Variants in TNKS1BP1 observed in about 807,000 individuals in gnomAD.
TNKS1BP1 encodes the protein CCR4-NOT transcription complex subunit 12.
A neutral mutation model predicts 141.1 loss-of-function variants in TNKS1BP1; 48 were observed. That is an observed-to-expected ratio of 0.34 (90% CI 0.27 to 0.43). TNKS1BP1 has a LOEUF of 0.43. TNKS1BP1 is among the 20% of genes least tolerant of loss of function. The pLI is 1.00. For synonymous variants in TNKS1BP1, 875 were observed against 898.2 expected, an observed-to-expected ratio of 0.97 and a Z score of 0.46; for missense variants, 2,149 against 2,226.0, an observed-to-expected ratio of 0.97 and a Z score of 0.70.
chr11:57,323,754 ATAAAAT>A (rs551823487), intron 1 of TNKS1BP1, among the ~76,000 whole-genome samples: 1 of 152,308 alleles, frequency 6.6e-6, no homozygotes, highest in South Asian at 2.1e-4. Context: ...GATAGAAAAA[ATAAAAT>A]TAAAACACAA....
chr11:57,302,123 G>A lies in TNKS1BP1; in HGVS notation c.4785C>T (p.Gly1595=), dbSNP rs1237838439. Residue 1595 remains glycine, a synonymous_variant, in exon 8 of 12, where the codon GGC becomes GGT. Coordinates refer to ENST00000358252, the MANE Select transcript of TNKS1BP1 (RefSeq NM_033396.3). This position sits in a 1 kb window ranked among gnomAD's most constrained non-coding sequence, Gnocchi z 5.5. The part of the protein sequence containing the change: ...APVIRPGGTL[G]LSEAADSDAH... Reference sequence around the variant, plus strand: ...CATCCGAGTCTGCTGCCTCCGACAGGCCCAAGGTACCCCCAGGCCGAATGA... The same window carrying A: ...CATCCGAGTCTGCTGCCTCCGACAGACCCAAGGTACCCCCAGGCCGAATGA... 1.2e-6 allele frequency: 2 copies of A among 1,613,694 alleles called. No individual in the cohort carries two copies. Among genetic ancestry groups the A allele is most frequent in the Non-Finnish European group, 1.7e-6 (2 of 1,179,986 alleles).
chr11:57,300,881 T>C lies in TNKS1BP1; in HGVS notation c.5129+3A>G. Reference sequence around the variant, plus strand: ...GCGGATGCCCAGAGCTTAGGTCACCTACCCTGAGGATTTCTCTGGCTTGGG... The same window carrying C: ...GCGGATGCCCAGAGCTTAGGTCACCCACCCTGAGGATTTCTCTGGCTTGGG... On this transcript the variant is annotated splice_donor_region_variant and intron_variant, in intron 10 of 11. Transcript: ENST00000358252. 17 of 1,613,096 alleles carry C rather than the reference T, an allele frequency of 1.1e-5. No homozygotes were observed. Among genetic ancestry groups the C allele is most frequent in the Non-Finnish European group, 1.4e-5 (17 of 1,179,348 alleles).
intron 6 of TNKS1BP1, among the ~76,000 whole-genome samples, chr11:57,305,789 G>A (rs11604373): frequency 0.34 from 51,169 of 151,974 alleles, 9,330 homozygotes; most frequent in African/African-American, 0.48. Context: ...AGTACTGGGA[G>A]TAAGTTACTC....
chr11:57,323,207 C>T (rs890756080), intron 1 of TNKS1BP1, among the ~76,000 whole-genome samples: 2 of 152,116 alleles, frequency 1.3e-5, no homozygotes, highest in African/African-American at 2.4e-5. Flanking sequence ...TAACCACCTC[C>T]TCCTCTTCCC....
rs773816047 is a variant in TNKS1BP1, at chr11:57,310,378, T to C, written c.2333A>G (p.Tyr778Cys). The change falls in exon 6 of 12, where the codon TAT becomes TGT. Residue 778 changes from tyrosine (Y) to cysteine (C), a missense_variant. Coordinates refer to ENST00000358252, the MANE Select transcript of TNKS1BP1 (RefSeq NM_033396.3). ...GCTCCCTTCCCCTGCTCCTTGCCCATACTTGCTGGTCCAGTCCCTCTCTCC... is the reference window on the plus strand; with the variant it reads ...GCTCCCTTCCCCTGCTCCTTGCCCACACTTGCTGGTCCAGTCCCTCTCTCC... ...GLGERDWTSK[Y>C]GQGAGEGSTR... is the part of the protein sequence containing the mutation. 6.2e-7 allele frequency: 1 copy of C among 1,614,068 alleles called. No individual in the cohort carries two copies. The highest frequency in any genetic ancestry group is 8.5e-7 in the Non-Finnish European group (1 of 1,180,028).
At chr11:57,323,075 TTACATGAAATAG>T (rs1855912179) in intron 1 of TNKS1BP1, among the ~76,000 whole-genome samples, 1 of 152,184 alleles carries the variant, frequency 6.6e-6, no homozygotes, top group African/African-American at 2.4e-5. Flanking sequence ...CTGAGGGGGC[TTACATGAAATAG>T]TACATGAAAT....
chr11:57,312,027 T>G (rs1181352907), intron 5 of TNKS1BP1, among the ~76,000 whole-genome samples: 3 of 152,150 alleles, frequency 2.0e-5, no homozygotes, highest in Non-Finnish European at 1.5e-5. Context: ...TTTACAGATG[T>G]GGAAACTGAG....
At chr11:57,312,493 T>C in intron 5 of TNKS1BP1, 41 bp downstream of exon 5, 1 of 1,419,346 alleles carries the variant, frequency 7.0e-7, no homozygotes, top group Non-Finnish European at 9.2e-7. Context: ...AGCCCTGGCC[T>C]CTGTCCCCAG....
chr11:57,313,968 C>A (rs1053306156), intron 4 of TNKS1BP1, 79 bp from the exon 5 acceptor site: 1 of 1,350,264 alleles, frequency 7.4e-7, no homozygotes, highest in Non-Finnish European at 9.5e-7. Flanking sequence ...CCCACACAGA[C>A]CCCAGGTCAG....
In TNKS1BP1 at chr11:57,302,400, T is replaced by C. The variant is rs1409048749; in HGVS notation, c.4683+59A>G. ...GGACTGCTCAGGGAAGCTCCAGGAA[T>C]GGGGCTCTCGCTGCATCGCCCTCAC... On this transcript the variant is annotated intron_variant, in intron 7 of 11. Coordinates refer to ENST00000358252, the MANE Select transcript of TNKS1BP1 (RefSeq NM_033396.3). This position sits in a 1 kb window ranked among gnomAD's most constrained non-coding sequence, Gnocchi z 5.5. 1 of 1,546,936 alleles carries C rather than the reference T, an allele frequency of 6.5e-7. No individual in the cohort carries two copies. The highest frequency in any genetic ancestry group is 1.4e-5 in the African/African-American group (1 of 73,838).
chr11:57,313,630 C>T lies in TNKS1BP1; in HGVS notation c.1058G>A (p.Ser353Asn). 2 of 1,589,936 alleles carry T rather than the reference C, an allele frequency of 1.3e-6. No individual in the cohort carries two copies. Among genetic ancestry groups the T allele is most frequent in the African/African-American group, 1.3e-5 (1 of 74,612 alleles). ...LPDEGSRHTP[S>N]PGLPAEGAPE... Reference sequence around the variant, plus strand: ...AGCCCCCTCGGCAGGGAGCCCCGGGCTGGGGGTGTGGCGGGAGCCCTCGTC... The same window carrying T: ...AGCCCCCTCGGCAGGGAGCCCCGGGTTGGGGGTGTGGCGGGAGCCCTCGTC... Residue 353 changes from serine to asparagine, a missense_variant, in exon 5 of 12, where the codon AGC becomes AAC. Transcript: ENST00000358252.
At chr11:57,306,496 T>C (rs1485929873) in intron 6 of TNKS1BP1, among the ~76,000 whole-genome samples, 1 of 152,196 alleles carries the variant, frequency 6.6e-6, no homozygotes, top group Non-Finnish European at 1.5e-5. Context: ...CACAGACTGG[T>C]ATTCTTTAGG....
chr11:57,302,043 G>C lies in TNKS1BP1; in HGVS notation c.4834+31C>G. On this transcript the variant is annotated intron_variant, in intron 8 of 11. Transcript: ENST00000358252. The surrounding 1 kb of genome is among the most constrained non-coding windows in gnomAD (Gnocchi z 5.5). ...CTTGGCCTAATGCCCTAGAGATCAA[G>C]AGACATCACCAAATAATACATCAGC... 6.2e-7 allele frequency: 1 copy of C among 1,605,672 alleles called. No individual in the cohort carries two copies. Among genetic ancestry groups the C allele is most frequent in the Non-Finnish European group, 8.5e-7 (1 of 1,173,058 alleles).
intron 6 of TNKS1BP1, among the ~76,000 whole-genome samples, chr11:57,303,728 A>G (rs757803524): frequency 6.6e-6 from 1 of 152,176 alleles, no homozygotes; most frequent in African/African-American, 2.4e-5. Context: ...CAGCATATGC[A>G]TCTTCTGTCT....
chr11:57,303,003 A>T (rs764163327), intron 6 of TNKS1BP1, 178 bp from the exon 7 acceptor site: 1 of 686,512 alleles, frequency 1.5e-6, no homozygotes, highest in Non-Finnish European at 2.2e-6. Flanking sequence ...ACAGGTGAAG[A>T]GCTGAGCCAG....
In TNKS1BP1 at chr11:57,312,596, C is replaced by T. The variant is rs200365694; in HGVS notation, c.2092G>A (p.Gly698Ser). The change falls in exon 5 of 12, where the codon GGT becomes AGT. Residue 698 changes from glycine to serine, a missense_variant. Transcript: ENST00000358252. ...LLASPPPSGG[G>S]ARRGAGAELK... Reference sequence around the variant, plus strand: ...TCAGCTCCAGCTCCCCGCCTTGCACCGCCACCACTGGGTGGTGGTGAAGCC... The same window carrying T: ...TCAGCTCCAGCTCCCCGCCTTGCACTGCCACCACTGGGTGGTGGTGAAGCC... The T allele has an allele frequency of 3.3e-6, 5 of 1,526,528 alleles. No homozygotes were observed. Among genetic ancestry groups the T allele is most frequent in the Admixed American group, 4.4e-5 (2 of 45,510 alleles). 94.6% of individuals were successfully genotyped at this position (1,526,528 alleles called of 1,614,324 possible). A position where few individuals can be genotyped will look rare whatever the true frequency, so the allele number is the denominator to read the frequency against.
At position 57,302,360 on chromosome 11, in the gene TNKS1BP1, C is replaced by G; in HGVS notation, c.4683+99G>C. Reference sequence around the variant, plus strand: ...ACGTGACGCACCTACAACCCGCTTTCTGCCTCCTGGACTGGGACTGCTCAG... The same window carrying G: ...ACGTGACGCACCTACAACCCGCTTTGTGCCTCCTGGACTGGGACTGCTCAG... On this transcript the variant is annotated intron_variant, in intron 7 of 11. Coordinates refer to ENST00000358252, the MANE Select transcript of TNKS1BP1 (RefSeq NM_033396.3). This position sits in a 1 kb window ranked among gnomAD's most constrained non-coding sequence, Gnocchi z 5.5. 1 of 1,540,968 alleles carries G rather than the reference C, an allele frequency of 6.5e-7. No individual in the cohort carries two copies. Among genetic ancestry groups the G allele is most frequent in the Non-Finnish European group, 8.8e-7 (1 of 1,142,016 alleles).
At position 57,302,595 on chromosome 11, in the gene TNKS1BP1, CTGGCCT is replaced by C. The variant is rs1855543409; in HGVS notation, c.4541_4546del (p.Glu1514_Ser1516delinsGly). The C allele has an allele frequency of 6.2e-7, 1 of 1,612,854 alleles. No individual in the cohort carries two copies. Among genetic ancestry groups the C allele is most frequent in the Non-Finnish European group, 8.5e-7 (1 of 1,179,918 alleles). ...GGTGCCATCCACGTCTTCTGTCTGG[CTGGCCT>C]CACCATCAGGCTGCGGCCTCCAGGA... On this transcript the variant is annotated inframe_deletion, in exon 7 of 12. Coordinates refer to ENST00000358252, the MANE Select transcript of TNKS1BP1 (RefSeq NM_033396.3). The surrounding 1 kb of genome is among the most constrained non-coding windows in gnomAD (Gnocchi z 5.5).
Position 57,302,162 on chromosome 11 carries a change from C to G in TNKS1BP1, c.4746G>C (p.Gly1582=). Residue 1582 remains glycine (G), a synonymous_variant, in exon 8 of 12, where the codon GGG becomes GGC. Transcript: ENST00000358252. This position sits in a 1 kb window ranked among gnomAD's most constrained non-coding sequence, Gnocchi z 5.5. ...RSRANLGRKR[G]HRAPVIRPGG... ...CAGGCCGAATGACCGGGGCCCGGTG[C>G]CCACGCTTGCGCCCCAAGTTGGCAC... 6.2e-7 allele frequency: 1 copy of G among 1,613,502 alleles called. No homozygotes were observed. The highest frequency in any genetic ancestry group is 8.5e-7 in the Non-Finnish European group (1 of 1,179,988).
Sources: gnomAD v4.1 joint callset for allele counts (sites outside exome capture counted in the v4.1 genomes callset) on GRCh38, gnomAD v4.1.1 for gene constraint, Gnocchi (gnomAD v3.1) non-coding constraint, MANE v1.5 for transcripts, NCBI Gene and HGNC (gene_info 2026-07-23, HGNC 2026-07-21) for gene names.